The following FIGN variants were observed in gnomAD, a reference collection of about 807,000 sequenced individuals.
FIGN encodes fidgetin, microtubule severing factor.
Under a neutral mutation model 51.3 loss-of-function variants are expected in FIGN, and 11 were observed. That is an observed-to-expected ratio of 0.21 (90% CI 0.13 to 0.35). The LOEUF (loss-of-function observed/expected upper bound fraction) is 0.35, where lower values mean the gene tolerates loss of function less well. FIGN is among the 10% of genes least tolerant of loss of function. The pLI, the probability that FIGN is intolerant of heterozygous loss-of-function variation, is 1.00. For missense variants in FIGN, 857 were observed against 943.6 expected (o/e 0.91, Z 1.20); for synonymous variants, 407 against 363.2 (o/e 1.12, Z -1.37).
chr2:163,704,731 C>G (rs1477932514), intron 2 of FIGN, among the ~76,000 whole-genome samples: 2 of 148,038 alleles, frequency 1.4e-5, no homozygotes, highest in African/African-American at 5.0e-5. Context: ...TACTATTCAC[C>G]GTTAGTAAGA....
chr2:163,672,338 A>G (rs1287989509), intron 2 of FIGN, among the ~76,000 whole-genome samples: 1 of 152,082 alleles, frequency 6.6e-6, no homozygotes, highest in Non-Finnish European at 1.5e-5. Flanking sequence ...AACTGGGTAT[A>G]TTGTGTAACT....
chr2:163,639,662 G>A (rs1683277753), intron 2 of FIGN, among the ~76,000 whole-genome samples: 1 of 152,044 alleles, frequency 6.6e-6, no homozygotes, highest in African/African-American at 2.4e-5. Context: ...AATGGACCCA[G>A]ATACACTGAA....
chr2:163,609,529 A>ATTTTTTTTTTTTTT lies in FIGN; in HGVS notation c.*22_*23insAAAAAAAAAAAAAA. The ATTTTTTTTTTTTTT allele has an allele frequency of 6.7e-7, 1 of 1,497,980 alleles. No individual in the cohort carries two copies. The highest frequency in any genetic ancestry group is 9.1e-7 in the Non-Finnish European group (1 of 1,099,378). The allele number at this position is 1,497,980 out of a possible 1,614,324, so 92.8% of individuals were successfully genotyped here. A position where few individuals can be genotyped will look rare whatever the true frequency, so the allele number is the denominator to read the frequency against. On this transcript the variant is annotated 3_prime_UTR_variant, in exon 3 of 3. Coordinates refer to ENST00000333129, the MANE Select transcript of FIGN (RefSeq NM_018086.4). ...ATGTGTGTGTGCCAACATTCATTACATTTTTTTTTTCTAAAGAAGTTATCA... is the reference window on the plus strand; with the variant it reads ...ATGTGTGTGTGCCAACATTCATTACATTTTTTTTTTTTTTTTTTTTTTTTCTAAAGAAGTTATCA...
chr2:163,725,525 T>G (rs1684825762), intron 2 of FIGN, among the ~76,000 whole-genome samples: 1 of 152,116 alleles, frequency 6.6e-6, no homozygotes, highest in African/African-American at 2.4e-5. Flanking sequence ...TGTGGCATTT[T>G]GCTGTAGTAG....
chr2:163,674,908 A>G (rs1323272957), intron 2 of FIGN, among the ~76,000 whole-genome samples: 2 of 152,160 alleles, frequency 1.3e-5, no homozygotes, highest in African/African-American at 4.8e-5. Context: ...GAGAAGAAGT[A>G]TGGTTAGCTC....
At chr2:163,722,798 A>G (rs1684778481) in intron 2 of FIGN, among the ~76,000 whole-genome samples, 1 of 152,052 alleles carries the variant, frequency 6.6e-6, no homozygotes, top group African/African-American at 2.4e-5. Flanking sequence ...TAAAGAATAT[A>G]GAAATTTCAA....
At chr2:163,655,328 C>T (rs1449248810) in intron 2 of FIGN, among the ~76,000 whole-genome samples, 1 of 152,132 alleles carries the variant, frequency 6.6e-6, no homozygotes, top group Non-Finnish European at 1.5e-5. Context: ...ACTTCAAGGA[C>T]CTCAGAGTCC....
intron 2 of FIGN, among the ~76,000 whole-genome samples, chr2:163,652,056 T>C (rs1446842584): frequency 2.0e-5 from 3 of 152,212 alleles, no homozygotes; most frequent in Non-Finnish European, 4.4e-5. Flanking sequence ...AAAACTTTGT[T>C]AATGACTACT....
chr2:163,674,200 T>C (rs1228185728), intron 2 of FIGN, among the ~76,000 whole-genome samples: 1 of 152,184 alleles, frequency 6.6e-6, no homozygotes, highest in Non-Finnish European at 1.5e-5. Context: ...ATTTAGTATC[T>C]CTTGCAGGCA....
chr2:163,609,382 A>C lies in FIGN; in HGVS notation c.*170T>G. 10 of 619,584 alleles carry C rather than the reference A, an allele frequency of 1.6e-5. No individual in the cohort carries two copies. The South Asian group carries it at 2.2e-4, about 14-fold the overall frequency. 38.4% of individuals were successfully genotyped at this position (619,584 alleles called of 1,614,324 possible). On this transcript the variant is annotated 3_prime_UTR_variant, in exon 3 of 3. Transcript: ENST00000333129. ...CTTTCAAATCAGAAGCTCTCATTTG[A>C]TGCACTTTTCCTCCAAATCTACCCT...
At chr2:163,688,132 T>G (rs749527051) in intron 2 of FIGN, among the ~76,000 whole-genome samples, 1 of 152,200 alleles carries the variant, frequency 6.6e-6, no homozygotes, top group Non-Finnish European at 1.5e-5. Context: ...CGGCATTCAC[T>G]CTTTACTGAA....
At chr2:163,633,371 C>T (rs543508486) in intron 2 of FIGN, among the ~76,000 whole-genome samples, 4 of 152,190 alleles carry the variant, frequency 2.6e-5, no homozygotes, top group East Asian at 1.9e-4. Flanking sequence ...TATTCCTCAA[C>T]GTCCTATATT....
chr2:163,694,786 C>T (rs1259502085), intron 2 of FIGN, among the ~76,000 whole-genome samples: 1 of 152,198 alleles, frequency 6.6e-6, no homozygotes, highest in Non-Finnish European at 1.5e-5. Flanking sequence ...TGTAAATTCT[C>T]TACCTCCATC....
intron 2 of FIGN, among the ~76,000 whole-genome samples, chr2:163,716,985 T>C (rs1684677199): frequency 2.0e-5 from 3 of 152,178 alleles, no homozygotes; most frequent in Admixed American, 6.5e-5. Flanking sequence ...AGCACTTGAA[T>C]ATATTTTTTA....
At chr2:163,691,979 A>G (rs1418353486) in intron 2 of FIGN, among the ~76,000 whole-genome samples, 1 of 152,214 alleles carries the variant, frequency 6.6e-6, no homozygotes, top group African/African-American at 2.4e-5. Context: ...TAAATGCTCA[A>G]TCAAATCTAT....
At chr2:163,616,163 T>C (rs1244138026) in intron 2 of FIGN, among the ~76,000 whole-genome samples, 1 of 152,210 alleles carries the variant, frequency 6.6e-6, no homozygotes, top group Admixed American at 6.5e-5. Flanking sequence ...GTTTAATTAC[T>C]AACCAGTTAC....
chr2:163,618,600 A>G (rs1682916884), intron 2 of FIGN, among the ~76,000 whole-genome samples: 1 of 152,074 alleles, frequency 6.6e-6, no homozygotes, highest in African/African-American at 2.4e-5. Flanking sequence ...ATGTTTTAAA[A>G]GATCCGTCTC....
chr2:163,605,967 A>T lies in FIGN; in HGVS notation c.*3585T>A, dbSNP rs1691102923. On this transcript the variant is annotated 3_prime_UTR_variant, in exon 3 of 3. Coordinates refer to ENST00000333129, the MANE Select transcript of FIGN (RefSeq NM_018086.4). ...AGTACTATGCAACCCATGTAAATTG[A>T]CCTTGCTATTTTACATAGCATAGCC... is the stretch of plus-strand genomic sequence containing the variant. 1 of 151,516 alleles carries T rather than the reference A, an allele frequency of 6.6e-6. No homozygotes were observed. Among genetic ancestry groups the T allele is most frequent in the Non-Finnish European group, 1.5e-5 (1 of 67,942 alleles). The allele number at this position is 151,516 out of a possible 1,614,324, so 9.4% of individuals were successfully genotyped here.
rs939026824 is a variant in FIGN, at chr2:163,605,957, A to C, written c.*3595T>G. 6.6e-6 allele frequency: 1 copy of C among 151,184 alleles called. No individual in the cohort carries two copies. Among genetic ancestry groups the C allele is most frequent in the African/African-American group, 2.4e-5 (1 of 41,094 alleles). The allele number at this position is 151,184 out of a possible 1,614,324, so 9.4% of individuals were successfully genotyped here. The stretch of plus-strand genomic sequence containing the variant: ...TGCATAGCCAAGTACTATGCAACCC[A>C]TGTAAATTGACCTTGCTATTTTACA... On this transcript the variant is annotated 3_prime_UTR_variant, in exon 3 of 3. Coordinates refer to ENST00000333129, the MANE Select transcript of FIGN (RefSeq NM_018086.4).
Sources: gnomAD v4.1 joint callset for allele counts (sites outside exome capture counted in the v4.1 genomes callset) on GRCh38, gnomAD v4.1.1 for gene constraint, MANE v1.5 for transcripts, NCBI Gene and HGNC (gene_info 2026-07-23, HGNC 2026-07-21) for gene names.